The following COL4A6 variants were observed in gnomAD, a reference collection of about 807,000 sequenced individuals.
The protein encoded by COL4A6 is collagen type IV alpha 6 chain, also known as collagen alpha-6(IV) chain.
In COL4A6, 59 loss-of-function variants were observed where a neutral mutation model predicts 126.7. That is an observed-to-expected ratio of 0.47 (90% confidence interval 0.38 to 0.58). The LOEUF is 0.58. Ranked by LOEUF, COL4A6 falls within the 20% of genes least tolerant of loss-of-function variation. The pLI is 0.00. For missense variants in COL4A6, 1,285 were observed against 1,337.3 expected, an observed-to-expected ratio of 0.96 and a Z score of 0.61; for synonymous variants, 547 against 496.6, an observed-to-expected ratio of 1.10 and a Z score of -1.35.
intron 2 of COL4A6, among the ~76,000 whole-genome samples, chrX:108,401,070 A>G (rs1342373629): frequency 9.0e-6 from 1 of 111,529 alleles, no homozygotes; most frequent in African/African-American, 3.2e-5. Context: ...CTTGTATGCA[A>G]TACAGATTTC....
At chrX:108,414,823 C>T (rs1310528441) in intron 2 of COL4A6, among the ~76,000 whole-genome samples, 2 of 110,331 alleles carry the variant, frequency 1.8e-5, no homozygotes, top group African/African-American at 6.6e-5. Flanking sequence ...AAAAATAATC[C>T]AACCCCTAGC....
At chrX:108,338,420 A>G (rs891293912) in intron 2 of COL4A6, among the ~76,000 whole-genome samples, 2 of 112,141 alleles carry the variant, frequency 1.8e-5, no homozygotes, top group Admixed American at 1.9e-4. Context: ...GGGAATGAAG[A>G]CTTGTAATCT....
At chrX:108,245,453 C>T (rs866693173) in intron 3 of COL4A6, among the ~76,000 whole-genome samples, 17 of 111,830 alleles carry the variant, frequency 1.5e-4, no homozygotes, top group Middle Eastern at 4.6e-3. Context: ...CCACGTACTC[C>T]CCCAAAGCTG....
At chrX:108,378,912 G>A (rs747324170) in intron 2 of COL4A6, among the ~76,000 whole-genome samples, 2 of 112,404 alleles carry the variant, frequency 1.8e-5, no homozygotes, top group East Asian at 2.8e-4. Context: ...AGAGGCAGAC[G>A]CACAAAGCCA....
intron 2 of COL4A6, among the ~76,000 whole-genome samples, chrX:108,408,704 G>A (rs1201468777): frequency 8.9e-6 from 1 of 111,977 alleles, no homozygotes; most frequent in African/African-American, 3.2e-5. Flanking sequence ...GCTCACGCCT[G>A]TAATCCCAGC....
At chrX:108,196,123 T>C (rs2035207099) in intron 14 of COL4A6, among the ~76,000 whole-genome samples, 1 of 111,747 alleles carries the variant, frequency 8.9e-6, no homozygotes, top group African/African-American at 3.3e-5. Flanking sequence ...CACTTGGCCC[T>C]CTTTCTTCCA....
intron 2 of COL4A6, among the ~76,000 whole-genome samples, chrX:108,401,602 T>C (rs1271270108): frequency 9.0e-6 from 1 of 111,237 alleles, no homozygotes; most frequent in East Asian, 2.8e-4. Context: ...GTGGGTACTC[T>C]TACTTTTCTT....
intron 2 of COL4A6, among the ~76,000 whole-genome samples, chrX:108,358,190 A>G (rs1235691593): frequency 9.0e-6 from 1 of 110,807 alleles, no homozygotes; most frequent in Non-Finnish European, 1.9e-5. Flanking sequence ...TCAGACTACA[A>G]ATTATTTGAC....
At chrX:108,301,844 G>A (rs747513683) in intron 3 of COL4A6, among the ~76,000 whole-genome samples, 2 of 111,399 alleles carry the variant, frequency 1.8e-5, no homozygotes, top group East Asian at 5.6e-4. Context: ...AAGTTCCTTT[G>A]GTGTTTCACT....
At chrX:108,396,568 T>C (rs916560606) in intron 2 of COL4A6, among the ~76,000 whole-genome samples, 1 of 111,445 alleles carries the variant, frequency 9.0e-6, no homozygotes, top group Non-Finnish European at 1.9e-5. Context: ...TGGATACCTA[T>C]AGAAGCTCTG....
intron 23 of COL4A6, 130 bp from the exon 24 acceptor site, chrX:108,181,098 C>T (rs773718789): frequency 1.9e-6 from 1 of 537,216 alleles, no homozygotes; most frequent in South Asian, 3.2e-5. Flanking sequence ...TGGGAGCCCA[C>T]ACTGGAAAAC....
At chrX:108,430,968 T>C (rs1282921248) in intron 2 of COL4A6, among the ~76,000 whole-genome samples, 4 of 111,474 alleles carry the variant, frequency 3.6e-5, no homozygotes, top group Non-Finnish European at 7.5e-5. Flanking sequence ...GAAACATAGA[T>C]TTAGAGCTCA....
chrX:108,394,356 A>G (rs2040915334), intron 2 of COL4A6, among the ~76,000 whole-genome samples: 1 of 110,570 alleles, frequency 9.0e-6, no homozygotes, highest in South Asian at 4.0e-4. Context: ...GCAAACCACC[A>G]TGGCACATGT....
At position 108,170,631 on chromosome X, in the gene COL4A6, G is replaced by A. The variant is rs775642771; in HGVS notation, c.3471C>T (p.Ser1157=). 1 of 1,203,183 alleles carries A rather than the reference G, an allele frequency of 8.3e-7. No homozygotes were observed. The highest frequency in any genetic ancestry group is 3.0e-5 in the East Asian group (1 of 33,823). ...GHQGAIGPLG[S]PGLIGPKGFP... is the part of the protein sequence containing the mutation. Reference sequence around the variant, plus strand: ...TACCTTTGGGTCCTATTAATCCGGGGGATCCTAGAGGCCCAATTGCCCCTT... The same window carrying A: ...TACCTTTGGGTCCTATTAATCCGGGAGATCCTAGAGGCCCAATTGCCCCTT... The change falls in exon 35 of 45, where the codon TCC becomes TCT. Residue 1157 remains serine, a synonymous_variant. Coordinates refer to ENST00000334504, the MANE Select transcript of COL4A6 (RefSeq NM_033641.4).
At chrX:108,310,310 G>C (rs1463745104) in intron 3 of COL4A6, among the ~76,000 whole-genome samples, 1 of 111,589 alleles carries the variant, frequency 9.0e-6, no homozygotes, top group Non-Finnish European at 1.9e-5. Context: ...TGGCTACCTT[G>C]TTCTCTTGAG....
Position 108,157,251 on chromosome X carries a change from C to G in COL4A6, c.4822G>C (p.Ala1608Pro). Reference sequence around the variant, plus strand: ...GACTGGCCTCCACCCTCGGCACCAGCGGCAGTGTGCTGAAACAGACAGGAG... The same window carrying G: ...GACTGGCCTCCACCCTCGGCACCAGGGGCAGTGTGCTGAAACAGACAGGAG... The part of the protein sequence containing the change: ...IGYSFLMHTA[A>P]GAEGGGQSLV... The change falls in exon 45 of 45, where the codon GCT (alanine) becomes CCT (proline). Residue 1608 changes from alanine to proline, a missense_variant. Coordinates refer to ENST00000334504, the MANE Select transcript of COL4A6 (RefSeq NM_033641.4). The G allele has an allele frequency of 8.3e-7, 1 of 1,209,655 alleles. No homozygotes were observed. The highest frequency in any genetic ancestry group is 1.1e-6 in the Non-Finnish European group (1 of 894,301).
At chrX:108,389,746 T>C (rs1380456622) in intron 2 of COL4A6, among the ~76,000 whole-genome samples, 1 of 111,558 alleles carries the variant, frequency 9.0e-6, no homozygotes, top group African/African-American at 3.3e-5. Flanking sequence ...TTAATATCAT[T>C]ATACGTGAAT....
chrX:108,286,863 G>A (rs2038019114), intron 3 of COL4A6, among the ~76,000 whole-genome samples: 1 of 112,066 alleles, frequency 8.9e-6, no homozygotes, highest in Admixed American at 9.4e-5. Flanking sequence ...GAGCGATCAT[G>A]TCTGGCTGAG....
chrX:108,408,368 C>A (rs369064751), intron 2 of COL4A6, among the ~76,000 whole-genome samples: 48 of 99,322 alleles, frequency 4.8e-4, no homozygotes, highest in East Asian at 1.9e-3. Context: ...AAAGAAAGAA[C>A]GAAAGAAAGA....
Sources: gnomAD v4.1 joint callset for allele counts (sites outside exome capture counted in the v4.1 genomes callset) on GRCh38, gnomAD v4.1.1 for gene constraint, MANE v1.5 for transcripts, NCBI Gene and HGNC (gene_info 2026-07-23, HGNC 2026-07-21) for gene names.